ROBO2: variants seen among roughly 807,000 people sequenced by gnomAD.
ROBO2 encodes the protein roundabout homolog 2.
Under a neutral mutation model 160.8 loss-of-function variants are expected in ROBO2, and 53 were observed. The ratio of observed to expected loss-of-function variants is 0.33; its 90% CI spans 0.26 to 0.41. The LOEUF (loss-of-function observed/expected upper bound fraction) is 0.41. Among genes scored for constraint, ROBO2 ranks in the 10% least tolerant of loss-of-function variants. The pLI is 1.00. For missense variants in ROBO2, 1,577 were observed against 1,722.4 expected, an observed-to-expected ratio of 0.92 and a Z score of 1.49; for synonymous variants, 664 against 611.7, an observed-to-expected ratio of 1.09 and a Z score of -1.26.
At chr3:76,399,789 T>C (rs556844171) in intron 2 of ROBO2, among the ~76,000 whole-genome samples, 6 of 151,874 alleles carry the variant, frequency 4.0e-5, no homozygotes, top group African/African-American at 1.4e-4. Flanking sequence ...GAATGTTTTC[T>C]TGTAGAATAA....
At chr3:76,326,433 C>G (rs1360839617) in intron 2 of ROBO2, among the ~76,000 whole-genome samples, 5 of 151,818 alleles carry the variant, frequency 3.3e-5, no homozygotes, top group Non-Finnish European at 7.4e-5. Flanking sequence ...TACACACATA[C>G]TAGTAAATAT....
intron 2 of ROBO2, among the ~76,000 whole-genome samples, chr3:77,362,827 G>T (rs1333427593): frequency 1.3e-5 from 2 of 152,146 alleles, no homozygotes; most frequent in African/African-American, 4.8e-5. Flanking sequence ...ATCTTACATG[G>T]TGGCAGGCAA....
exon 1 of ROBO2, chr3:77,040,659 T>C: frequency 1.3e-6 from 2 of 1,574,396 alleles, no homozygotes; most frequent in Non-Finnish European, 8.6e-7. Flanking sequence ...TTTGCTCTTC[T>C]TGACTTTAAT....
intron 2 of ROBO2, among the ~76,000 whole-genome samples, chr3:76,132,072 A>C (rs1254065186): frequency 2.0e-5 from 3 of 152,162 alleles, no homozygotes; most frequent in Non-Finnish European, 4.4e-5. Context: ...GTGATTCACC[A>C]GGAAGGATTG....
At chr3:76,832,446 CAT>C (rs2067172359) in intron 2 of ROBO2, among the ~76,000 whole-genome samples, 2 of 152,118 alleles carry the variant, frequency 1.3e-5, no homozygotes, top group South Asian at 4.2e-4. Context: ...CATCCAAACA[CAT>C]AAAAAAACTG....
intron 2 of ROBO2, among the ~76,000 whole-genome samples, chr3:77,108,580 G>C (rs1372729384): frequency 6.6e-6 from 1 of 152,138 alleles, no homozygotes; most frequent in Non-Finnish European, 1.5e-5. Flanking sequence ...GGCTGCATAT[G>C]AGGAGTCTGA....
At chr3:77,364,891 C>A (rs1022988480) in intron 2 of ROBO2, among the ~76,000 whole-genome samples, 3 of 151,984 alleles carry the variant, frequency 2.0e-5, no homozygotes, top group Non-Finnish European at 4.4e-5. Context: ...CAGTGAGTAA[C>A]CTTGCTGAAT....
chr3:76,134,543 G>A lies in ROBO2; in HGVS notation c.109+196941G>A, dbSNP rs563160525. 1.6e-4 allele frequency among the ~76,000 whole-genome samples: 24 copies of A among 152,194 alleles called. 2 individuals are homozygous for A. Among genetic ancestry groups the A allele is most frequent in the Admixed American group, 1.2e-3 (19 of 15,296 alleles). On this transcript the variant is annotated intron_variant, in intron 2 of 26. Transcript: ENST00000487694. Reference sequence around the variant, plus strand: ...AAAACCCTTTAAAAGAAGATCTGGCGATCAGAGAATCTCTCTCCTGCCTAA... The same window carrying A: ...AAAACCCTTTAAAAGAAGATCTGGCAATCAGAGAATCTCTCTCCTGCCTAA...
intron 2 of ROBO2, among the ~76,000 whole-genome samples, chr3:76,369,575 C>T (rs959406722): frequency 6.6e-6 from 1 of 151,856 alleles, no homozygotes; most frequent in African/African-American, 2.4e-5. Flanking sequence ...TAGATAGATG[C>T]TTCAAATTTG....
At chr3:76,156,353 T>C (rs1470589760) in intron 2 of ROBO2, among the ~76,000 whole-genome samples, 1 of 152,178 alleles carries the variant, frequency 6.6e-6, no homozygotes, top group Non-Finnish European at 1.5e-5. Flanking sequence ...TAAAGTTATT[T>C]ATCAGACTGC....
At chr3:76,130,204 T>C (rs1255491885) in intron 2 of ROBO2, among the ~76,000 whole-genome samples, 4 of 152,142 alleles carry the variant, frequency 2.6e-5, no homozygotes, top group African/African-American at 9.6e-5. Context: ...ATATGCAAAT[T>C]ATCCACCAGA....
At chr3:76,061,573 A>T (rs2068070778) in intron 2 of ROBO2, among the ~76,000 whole-genome samples, 1 of 152,196 alleles carries the variant, frequency 6.6e-6, no homozygotes, top group Non-Finnish European at 1.5e-5. Flanking sequence ...TGAAAAAAAC[A>T]TATTTTATCT....
chr3:77,440,977 C>G (rs1035135683), intron 2 of ROBO2, among the ~76,000 whole-genome samples: 1 of 151,928 alleles, frequency 6.6e-6, no homozygotes, highest in Non-Finnish European at 1.5e-5. Context: ...CTTTTCTTGC[C>G]CTAATTCTGT....
chr3:75,982,284 T>C (rs1407593946), intron 2 of ROBO2, among the ~76,000 whole-genome samples: 1 of 151,518 alleles, frequency 6.6e-6, no homozygotes, highest in Non-Finnish European at 1.5e-5. Flanking sequence ...CTTTGGTATA[T>C]ACTTAGCAGT....
intron 2 of ROBO2, among the ~76,000 whole-genome samples, chr3:76,400,416 G>T (rs894104727): frequency 6.6e-6 from 1 of 151,560 alleles, no homozygotes; most frequent in East Asian, 1.9e-4. Context: ...GAATATAAAA[G>T]TTCTAAGCAT....
intron 2 of ROBO2, among the ~76,000 whole-genome samples, chr3:76,743,323 T>C (rs2093832497): frequency 6.6e-6 from 1 of 152,014 alleles, no homozygotes; most frequent in African/African-American, 2.4e-5. Flanking sequence ...AATAATGGAA[T>C]AAAAATGTAA....
intron 15 of ROBO2, among the ~76,000 whole-genome samples, chr3:77,578,962 A>G (rs1411808161): frequency 1.3e-5 from 2 of 152,132 alleles, no homozygotes; most frequent in South Asian, 4.1e-4. Flanking sequence ...TTCAAAGCAC[A>G]TATGTAGGTA....
intron 2 of ROBO2, among the ~76,000 whole-genome samples, chr3:76,926,231 G>A (rs1433269752): frequency 6.6e-6 from 1 of 152,184 alleles, no homozygotes; most frequent in African/African-American, 2.4e-5. Flanking sequence ...TCCTTTGGTC[G>A]TACTAAAATT....
At chr3:76,873,776 T>C (rs1353399300) in intron 2 of ROBO2, among the ~76,000 whole-genome samples, 1 of 151,452 alleles carries the variant, frequency 6.6e-6, no homozygotes, top group Non-Finnish European at 1.5e-5. Context: ...AGTTTTCTCA[T>C]GAAATTTGCT....
Sources: gnomAD v4.1 joint callset for allele counts (sites outside exome capture counted in the v4.1 genomes callset) on GRCh38, gnomAD v4.1.1 for gene constraint, MANE v1.5 for transcripts, NCBI Gene and HGNC (gene_info 2026-07-23, HGNC 2026-07-21) for gene names.